The following CARD6 variants were observed in gnomAD, a reference collection of about 807,000 sequenced individuals.
The protein encoded by CARD6 is caspase recruitment domain-containing protein 6.
CARD6 carries 27 observed loss-of-function variants against 23.6 expected under a neutral mutation model. The observed-to-expected ratio is 1.14, with a 90% CI of 0.84 to 1.58. The LOEUF (loss-of-function observed/expected upper bound fraction) is 1.58, where lower values mean the gene tolerates loss of function less well. Among genes scored for constraint, CARD6 ranks in the 40% most tolerant of loss-of-function variants. CARD6 has a pLI of 0.00. For missense variants in CARD6, 1,214 were observed against 1,209.9 expected, an observed-to-expected ratio of 1.00 and a Z score of -0.05; for synonymous variants, 397 against 431.8, an observed-to-expected ratio of 0.92 and a Z score of 1.00.
At chr5:40,841,758 T>A in intron 1 of CARD6, 93 bp downstream of exon 1, 1 of 1,081,584 alleles carries the variant, frequency 9.2e-7, no homozygotes. Flanking sequence ...TGCCTTTTAT[T>A]TTTGTTAGTC....
chr5:40,853,580 TC>T lies in CARD6; in HGVS notation c.2250del (p.Trp751GlyfsTer50). 1 of 1,614,176 alleles carries T rather than the reference TC, an allele frequency of 6.2e-7. No individual in the cohort carries two copies. Among genetic ancestry groups the T allele is most frequent in the African/African-American group, 1.3e-5 (1 of 75,046 alleles). ...GNFNHVSLKA[S>X]WVMGRPFGSE... Reference sequence around the variant, plus strand: ...CTTTAACCATGTTTCCTTGAAAGCCTCCTGGGTTATGGGCCGCCCCTTTGGG... The same window carrying T: ...CTTTAACCATGTTTCCTTGAAAGCCTCTGGGTTATGGGCCGCCCCTTTGGG... On this transcript the variant is annotated frameshift_variant, in exon 3 of 3. Transcript: ENST00000254691. LOFTEE classifies it low-confidence loss of function (END_TRUNC).
intron 2 of CARD6, among the ~76,000 whole-genome samples, chr5:40,849,022 T>C (rs575185542): frequency 6.6e-6 from 1 of 152,140 alleles, no homozygotes; most frequent in South Asian, 2.1e-4. Flanking sequence ...TTCTTTTTTT[T>C]TGAGATGACA....
In CARD6 at chr5:40,841,592, G is replaced by A. The variant is rs898679571; in HGVS notation, c.210G>A (p.Ala70=). ...LLILVQKKGE[A]TCQHFLKCLF... Reference sequence around the variant, plus strand: ...TTTTGGTACAGAAAAAGGGAGAGGCGACCTGTCAGCATTTTCTCAAGTGTT... The same window carrying A: ...TTTTGGTACAGAAAAAGGGAGAGGCAACCTGTCAGCATTTTCTCAAGTGTT... The change falls in exon 1 of 3, where the codon GCG becomes GCA. Residue 70 remains alanine, a synonymous_variant. Coordinates refer to ENST00000254691, the MANE Select transcript of CARD6 (RefSeq NM_032587.4). 8 of 1,613,876 alleles carry A rather than the reference G, an allele frequency of 5.0e-6. No individual in the cohort carries two copies. Among genetic ancestry groups the A allele is most frequent in the Middle Eastern group, 1.6e-4 (1 of 6,084 alleles).
chr5:40,847,570 A>G (rs1249336599), intron 2 of CARD6, among the ~76,000 whole-genome samples: 2 of 151,960 alleles, frequency 1.3e-5, no homozygotes, highest in Non-Finnish European at 2.9e-5. Flanking sequence ...AGATATTTTT[A>G]TTTTGCCTTC....
rs1746099088 is a variant in CARD6 at position 40,852,880 on chromosome 5, T to C, written c.1548T>C (p.Asp516=). Residue 516 remains aspartate, a synonymous_variant, in exon 3 of 3, where the codon GAT becomes GAC. Transcript: ENST00000254691. The part of the protein sequence containing the change: ...EITWCFPDSD[D]RKENPFFQKP... ...CATGGTGTTTTCCTGATAGCGATGA[T>C]AGAAAGGAAAACCCCTTTTTCCAAA... 4 of 1,613,898 alleles carry C rather than the reference T, an allele frequency of 2.5e-6. No individual in the cohort carries two copies. Among genetic ancestry groups the C allele is most frequent in the African/African-American group, 1.3e-5 (1 of 74,886 alleles).
In CARD6 at chr5:40,843,741, A is replaced by C. The variant is rs370558379; in HGVS notation, c.841+32A>C. On this transcript the variant is annotated intron_variant, in intron 2 of 2. Transcript: ENST00000254691. Reference sequence around the variant, plus strand: ...AAATATCTTGTATAGTTAGTTAGGCAACAACTTAATAAGTTAATAAGCTTG... The same window carrying C: ...AAATATCTTGTATAGTTAGTTAGGCCACAACTTAATAAGTTAATAAGCTTG... 2.1e-6 allele frequency: 3 copies of C among 1,398,248 alleles called. No homozygotes were observed. The African/African-American group carries it at 4.3e-5, about 20-fold the overall frequency. 86.6% of individuals were successfully genotyped at this position (1,398,248 alleles called of 1,614,324 possible). A position where few individuals can be genotyped will look rare whatever the true frequency, so the allele number is the denominator to read the frequency against.
rs61757654 is a variant in CARD6, at chr5:40,843,448, A to G, written c.580A>G (p.Ile194Val). The change falls in exon 2 of 3, where the codon ATA becomes GTA. Residue 194 changes from isoleucine to valine, a missense_variant. Coordinates refer to ENST00000254691, the MANE Select transcript of CARD6 (RefSeq NM_032587.4). ...GCEVPATITY[I>V]KDGQRYEELD... ...TGAAGTTCCAGCAACTATTACATAT[A>G]TAAAAGATGGACAGAGATATGAGGA... 19,134 of 1,613,748 alleles carry G rather than the reference A, an allele frequency of 0.012. 146 individuals are homozygous for G. The highest frequency in any genetic ancestry group is 0.014 in the Non-Finnish European group (16,675 of 1,179,888).
Position 40,853,914 on chromosome 5 carries a change from G to A in CARD6, c.2582G>A (p.Arg861Lys), listed in dbSNP as rs1391831763. 1.9e-6 allele frequency: 3 copies of A among 1,614,056 alleles called. No homozygotes were observed. The Admixed American group carries it at 5.0e-5, about 27-fold the overall frequency. The stretch of plus-strand genomic sequence containing the variant: ...TATTCCCTGGATTCACAGCCAGCAA[G>A]AGCAGTAGGGAAGCCATGGCCTCAG... ...HSYSLDSQPA[R>K]AVGKPWPQQA... Residue 861 changes from arginine to lysine, a missense_variant, in exon 3 of 3, where the codon AGA becomes AAA. By Grantham distance (26) the Arg-to-Lys change is conservative. Transcript: ENST00000254691.
chr5:40,845,033 A>G (rs942157901), intron 2 of CARD6, among the ~76,000 whole-genome samples: 1 of 151,928 alleles, frequency 6.6e-6, no homozygotes, highest in Admixed American at 6.6e-5. Flanking sequence ...ACGCCTGGCT[A>G]ATTTTTGTTG....
At position 40,843,314 on chromosome 5, in the gene CARD6, G is replaced by C. The variant is rs1745908340; in HGVS notation, c.446G>C (p.Arg149Thr). ...HLDLETSEFF[R>T]DKKTSYRETA... ...GATTTGGAAACCTCTGAGTTTTTCA[G>C]GGACAAGAAAACTAGTTATAGGGAA... The change falls in exon 2 of 3, where the codon AGG becomes ACG. Residue 149 changes from arginine to threonine, a missense_variant. By Grantham distance (71) the Arg-to-Thr change is moderately conservative. Coordinates refer to ENST00000254691, the MANE Select transcript of CARD6 (RefSeq NM_032587.4). The C allele has an allele frequency of 6.2e-7, 1 of 1,614,122 alleles. No homozygotes were observed. Among genetic ancestry groups the C allele is most frequent in the Non-Finnish European group, 8.5e-7 (1 of 1,180,026 alleles).
At chr5:40,850,080 C>A (rs1746030783) in intron 2 of CARD6, among the ~76,000 whole-genome samples, 2 of 151,902 alleles carry the variant, frequency 1.3e-5, no homozygotes, top group African/African-American at 4.8e-5. Context: ...GAAATAAAAT[C>A]TTCAGTTCCT....
rs552212634 is a variant in CARD6, at chr5:40,853,448, G to T, written c.2116G>T (p.Gly706Trp). 2 of 1,614,218 alleles carry T rather than the reference G, an allele frequency of 1.2e-6. No individual in the cohort carries two copies. The highest frequency in any genetic ancestry group is 3.3e-5 in the Admixed American group (2 of 60,022). Reference sequence around the variant, plus strand: ...GGCTCTAATGCCAATTCAAGAGCCTGGGACTCAATGTGAGCTCAGCCAGAA... The same window carrying T: ...GGCTCTAATGCCAATTCAAGAGCCTTGGACTCAATGTGAGCTCAGCCAGAA... ...SQALMPIQEP[G>W]TQCELSQNLQ... Residue 706 changes from glycine (G) to tryptophan (W), a missense_variant, in exon 3 of 3, where the codon GGG becomes TGG. Physicochemically the swap from Gly to Trp is radical, Grantham distance 184. Transcript: ENST00000254691.
intron 2 of CARD6, among the ~76,000 whole-genome samples, chr5:40,848,210 G>GT (rs200993412): frequency 0.14 from 18,106 of 124,896 alleles, 1,665 homozygotes; most frequent in East Asian, 0.4. Flanking sequence ...AATTTTAATT[G>GT]TTTTTTTTTT....
chr5:40,853,014 G>A lies in CARD6; in HGVS notation c.1682G>A (p.Gly561Asp), dbSNP rs762675339. The A allele has an allele frequency of 1.1e-5, 17 of 1,614,032 alleles. No homozygotes were observed. The African/African-American group carries it at 2.1e-4, about 20-fold the overall frequency. The change falls in exon 3 of 3, where the codon GGT becomes GAT. Residue 561 changes from glycine (G) to aspartate (D), a missense_variant. By Grantham distance (94) the Gly-to-Asp change is moderately conservative. Transcript: ENST00000254691. ...GTGTTTTTTTTCACTGACTGTTTAGGTGAGAAGGAATGGGACTTGCTAATG... is the reference window on the plus strand; with the variant it reads ...GTGTTTTTTTTCACTGACTGTTTAGATGAGAAGGAATGGGACTTGCTAATG... ...SAVFFFTDCL[G>D]EKEWDLLMFL...
chr5:40,853,122 A>C lies in CARD6; in HGVS notation c.1790A>C (p.Gln597Pro), dbSNP rs771001915. The part of the protein sequence containing the change: ...ARESEEAQIF[Q>P]RILNLKPAQL... The stretch of plus-strand genomic sequence containing the variant: ...GAGAGTGAAGAGGCTCAAATTTTTC[A>C]GAGGATACTGAACTTGAAGCCAGCA... Residue 597 changes from glutamine to proline, a missense_variant, in exon 3 of 3, where the codon CAG (glutamine) becomes CCG (proline). By Grantham distance (76) the Gln-to-Pro change is moderately conservative. Transcript: ENST00000254691. 1.2e-6 allele frequency: 2 copies of C among 1,614,042 alleles called. No individual in the cohort carries two copies. The highest frequency in any genetic ancestry group is 1.7e-6 in the Non-Finnish European group (2 of 1,180,022).
chr5:40,852,176 AG>A lies in CARD6; in HGVS notation c.845del (p.Arg282LysfsTer12), dbSNP rs1746077255. The A allele has an allele frequency of 6.3e-7, 1 of 1,589,388 alleles. No individual in the cohort carries two copies. Among genetic ancestry groups the A allele is most frequent in the Non-Finnish European group, 8.6e-7 (1 of 1,164,776 alleles). On this transcript the variant is annotated frameshift_variant, in exon 3 of 3. Transcript: ENST00000254691. LOFTEE classifies it low-confidence loss of function (END_TRUNC). Reference sequence around the variant, plus strand: ...CACTATTATCTTCTCTCCTACAGAAAGAAAAAAGGTGTTTAAAGATGTCCTG... The same window carrying A: ...CACTATTATCTTCTCTCCTACAGAAAAAAAAAGGTGTTTAAAGATGTCCTG... ...EEEQEKSIEE[R>X]KKVFKDVLLC...
At position 40,853,804 on chromosome 5, in the gene CARD6, G is replaced by C; in HGVS notation, c.2472G>C (p.Gln824His). 1 of 1,614,212 alleles carries C rather than the reference G, an allele frequency of 6.2e-7. No individual in the cohort carries two copies. Residue 824 changes from glutamine to histidine, a missense_variant, in exon 3 of 3, where the codon CAG (glutamine) becomes CAC (histidine). By Grantham distance (24) the Gln-to-His change is conservative (BLOSUM62 0). Transcript: ENST00000254691. ...TFGRLPRPIC[Q>H]HVQACPERPQ... The stretch of plus-strand genomic sequence containing the variant: ...GGAGACTGCCAAGACCCATTTGTCA[G>C]CATGTACAGGCCTGCCCTGAGAGAC...
At chr5:40,849,571 C>G (rs1243352334) in intron 2 of CARD6, among the ~76,000 whole-genome samples, 1 of 152,018 alleles carries the variant, frequency 6.6e-6, no homozygotes, top group Non-Finnish European at 1.5e-5. Flanking sequence ...GTTGTTTCTT[C>G]AAAGCTATTT....
At position 40,853,730 on chromosome 5, in the gene CARD6, A is replaced by G. The variant is rs1746127552; in HGVS notation, c.2398A>G (p.Met800Val). The part of the protein sequence containing the change: ...PQIFYSGERF[M>V]KFSRVARGCH... The stretch of plus-strand genomic sequence containing the variant: ...GATATTTTATTCAGGTGAAAGATTC[A>G]TGAAATTTTCCAGAGTTGCTCGGGG... Residue 800 changes from methionine (M) to valine (V), a missense_variant, in exon 3 of 3, where the codon ATG becomes GTG. Transcript: ENST00000254691. 1 of 1,614,212 alleles carries G rather than the reference A, an allele frequency of 6.2e-7. No individual in the cohort carries two copies.
Sources: allele counts gnomAD v4.1 joint callset (sites outside exome capture counted in the v4.1 genomes callset), GRCh38; gene constraint gnomAD v4.1.1; transcripts MANE v1.5; gene names NCBI Gene and HGNC (gene_info 2026-07-23, HGNC 2026-07-21).